FA2H: variants seen among roughly 807,000 people sequenced by gnomAD.
The protein encoded by FA2H is fatty acid alpha-hydroxylase.
Under a neutral mutation model 44.9 loss-of-function variants are expected in FA2H, and 22 were observed. The ratio of observed to expected loss-of-function variants is 0.49; its 90% CI spans 0.35 to 0.70. The LOEUF is 0.70. Among genes scored for constraint, FA2H ranks in the 30% least tolerant of loss-of-function variants. The pLI, the probability that FA2H is intolerant of heterozygous loss-of-function variation, is 0.01. For missense variants in FA2H, 501 were observed against 504.9 expected (o/e 0.99, Z 0.07); for synonymous variants, 243 against 213.2 (o/e 1.14, Z -1.22).
chr16:74,735,077 C>G (rs1485688071), intron 2 of FA2H, among the ~76,000 whole-genome samples: 1 of 152,124 alleles, frequency 6.6e-6, no homozygotes, highest in South Asian at 2.1e-4. Flanking sequence ...GAGTTGGGGC[C>G]GATGATGACC....
intron 1 of FA2H, among the ~76,000 whole-genome samples, chr16:74,741,848 A>ATGTGTGTATGTGTG (rs969803461): frequency 2.4e-5 from 2 of 83,844 alleles, no homozygotes; most frequent in Non-Finnish European, 4.9e-5. Flanking sequence ...ATGTGTGTGT[A>ATGTGTGTATGTGTG]TGTGTGTATG....
chr16:74,715,231 G>T (rs1292771999), intron 6 of FA2H, among the ~76,000 whole-genome samples: 2 of 152,046 alleles, frequency 1.3e-5, no homozygotes, highest in Non-Finnish European at 2.9e-5. Context: ...ATTGAGATGT[G>T]CTGTAAGTAC....
chr16:74,721,913 G>A (rs1267524193), intron 4 of FA2H, among the ~76,000 whole-genome samples: 1 of 152,208 alleles, frequency 6.6e-6, no homozygotes, highest in African/African-American at 2.4e-5. Context: ...AACAGTAACG[G>A]CAGATGTGTC....
chr16:74,754,619 C>A (rs1384471026), intron 1 of FA2H, among the ~76,000 whole-genome samples: 1 of 151,910 alleles, frequency 6.6e-6, no homozygotes, highest in African/African-American at 2.4e-5. Flanking sequence ...CCTCTGACTC[C>A]TGGGCTCAAG....
At chr16:74,724,561 G>A (rs948855542) in intron 4 of FA2H, among the ~76,000 whole-genome samples, 3 of 152,268 alleles carry the variant, frequency 2.0e-5, no homozygotes, top group East Asian at 1.9e-4. Context: ...GGATCCCGCC[G>A]AGTCTCCCCT....
At chr16:74,735,928 A>G (rs1336166246) in intron 2 of FA2H, among the ~76,000 whole-genome samples, 1 of 152,214 alleles carries the variant, frequency 6.6e-6, no homozygotes, top group Non-Finnish European at 1.5e-5. Context: ...GGCTGCAGTG[A>G]GCTGCAATCT....
At chr16:74,749,393 C>T (rs370754647) in intron 1 of FA2H, among the ~76,000 whole-genome samples, 3 of 147,622 alleles carry the variant, frequency 2.0e-5, no homozygotes, top group East Asian at 4.1e-4. Flanking sequence ...CATTGCAAGG[C>T]GATGGGCCCT....
At chr16:74,749,394 G>A (rs887450468) in intron 1 of FA2H, among the ~76,000 whole-genome samples, 1 of 148,024 alleles carries the variant, frequency 6.8e-6, no homozygotes, top group African/African-American at 2.5e-5. Context: ...ATTGCAAGGC[G>A]ATGGGCCCTG....
intron 1 of FA2H, among the ~76,000 whole-genome samples, chr16:74,765,869 G>T (rs1962800321): frequency 6.6e-6 from 1 of 152,028 alleles, no homozygotes; most frequent in Non-Finnish European, 1.5e-5. Flanking sequence ...ATATTTATTA[G>T]TACCTATTGG....
chr16:74,727,637 T>C (rs1961987447), intron 2 of FA2H, among the ~76,000 whole-genome samples: 1 of 152,214 alleles, frequency 6.6e-6, no homozygotes, highest in Non-Finnish European at 1.5e-5. Context: ...ATGATCCCTC[T>C]TTCTGTTGGA....
At chr16:74,732,118 A>G (rs1567639411) in intron 2 of FA2H, among the ~76,000 whole-genome samples, 1 of 152,202 alleles carries the variant, frequency 6.6e-6, no homozygotes, top group Admixed American at 6.5e-5. Context: ...TCCTGGGCTC[A>G]AGTGATCCTC....
chr16:74,756,185 T>C (rs577334140), intron 1 of FA2H, among the ~76,000 whole-genome samples: 1 of 152,302 alleles, frequency 6.6e-6, no homozygotes, highest in African/African-American at 2.4e-5. Flanking sequence ...ACACGTGGAA[T>C]CTGGCCTGCA....
At chr16:74,716,312 A>G in intron 6 of FA2H, 35 bp downstream of exon 6, 8 of 1,610,194 alleles carry the variant, frequency 5.0e-6, no homozygotes, top group Non-Finnish European at 6.8e-6. Context: ...CAATGAACAC[A>G]CATAGGGGGC....
intron 2 of FA2H, among the ~76,000 whole-genome samples, chr16:74,728,294 A>C (rs1402378474): frequency 6.6e-6 from 1 of 152,220 alleles, no homozygotes; most frequent in Non-Finnish European, 1.5e-5. Context: ...ACCTGCATTA[A>C]GTGCTCAATG....
chr16:74,752,407 C>G (rs1962543286), intron 1 of FA2H, among the ~76,000 whole-genome samples: 1 of 152,184 alleles, frequency 6.6e-6, no homozygotes, highest in Non-Finnish European at 1.5e-5. Context: ...CCTTCCACTT[C>G]AGCCCCCACC....
chr16:74,755,361 G>A (rs186026100), intron 1 of FA2H, among the ~76,000 whole-genome samples: 1 of 151,900 alleles, frequency 6.6e-6, no homozygotes, highest in Non-Finnish European at 1.5e-5. Context: ...TGTATTTTTA[G>A]TAGAGACGGG....
At chr16:74,765,183 T>A (rs1356982082) in intron 1 of FA2H, among the ~76,000 whole-genome samples, 1 of 150,842 alleles carries the variant, frequency 6.6e-6, no homozygotes, top group Admixed American at 6.6e-5. Flanking sequence ...TGATACAAAG[T>A]CTCGCTCTTG....
intron 1 of FA2H, among the ~76,000 whole-genome samples, chr16:74,750,761 CTGTGTGTG>C (rs55799456): frequency 7.1e-6 from 1 of 141,572 alleles, no homozygotes. Flanking sequence ...TTTTTTTTCA[CTGTGTGTG>C]TGTGTGTGTG....
In FA2H at chr16:74,772,360, C is replaced by G. The variant is rs538379878; in HGVS notation, c.270+2126G>C. ...CAAGAAGGCTCTCTATGCTCCTCCC[C>G]TCTAGATCCGTACTCTGATACACCA... On this transcript the variant is annotated intron_variant, in intron 1 of 6. Coordinates refer to ENST00000219368, the MANE Select transcript of FA2H (RefSeq NM_024306.5). Among the ~76,000 whole-genome samples the G allele has an allele frequency of 3.9e-5, 6 of 152,342 alleles. No homozygotes were observed. The East Asian group carries it at 1.2e-3, about 29-fold the overall frequency.
Sources: gnomAD v4.1 joint callset for allele counts (sites outside exome capture counted in the v4.1 genomes callset) on GRCh38, gnomAD v4.1.1 for gene constraint, MANE v1.5 for transcripts, NCBI Gene and HGNC (gene_info 2026-07-23, HGNC 2026-07-21) for gene names.